Variants in ERLIN1 observed in about 807,000 individuals in gnomAD.
ERLIN1 encodes ER lipid raft associated 1.
Under a neutral mutation model 46.9 loss-of-function variants are expected in ERLIN1, and 24 were observed. That is an observed-to-expected ratio of 0.51 (90% CI 0.37 to 0.72). The LOEUF (loss-of-function observed/expected upper bound fraction) is 0.72, where lower values mean the gene tolerates loss of function less well. Among genes scored for constraint, ERLIN1 ranks in the 30% least tolerant of loss-of-function variants. The pLI is 0.00. For synonymous variants in ERLIN1, 158 were observed against 143.2 expected, an observed-to-expected ratio of 1.10 and a Z score of -0.74; for missense variants, 293 against 417.9, an observed-to-expected ratio of 0.70 and a Z score of 2.61.
At chr10:100,166,681 C>A (rs1457539966) in intron 7 of ERLIN1, among the ~76,000 whole-genome samples, 2 of 152,170 alleles carry the variant, frequency 1.3e-5, no homozygotes, top group African/African-American at 4.8e-5. Context: ...AACACATCAG[C>A]CAAATTTCCT....
chr10:100,160,226 G>A (rs1843290870), intron 8 of ERLIN1, among the ~76,000 whole-genome samples: 1 of 151,956 alleles, frequency 6.6e-6, no homozygotes, highest in South Asian at 2.1e-4. Flanking sequence ...ACTCAATACA[G>A]GAATTAAATC....
intron 9 of ERLIN1, among the ~76,000 whole-genome samples, chr10:100,155,299 C>G (rs190833171): frequency 5.4e-4 from 82 of 152,140 alleles, no homozygotes; most frequent in Non-Finnish European, 7.4e-4. Context: ...CCAGCCCCCC[C>G]CCAAATTTCA....
intron 2 of ERLIN1, among the ~76,000 whole-genome samples, chr10:100,183,261 C>T (rs1216132044): frequency 1.3e-5 from 2 of 152,094 alleles, no homozygotes; most frequent in African/African-American, 4.8e-5. Context: ...TCCCGGGATG[C>T]CATCAAAATA....
At chr10:100,169,621 TA>T (rs67272064) in intron 6 of ERLIN1, among the ~76,000 whole-genome samples, 192 of 144,710 alleles carry the variant, frequency 1.3e-3, no homozygotes, top group Middle Eastern at 7.2e-3. Flanking sequence ...CCTCAATGAT[TA>T]AAAAAAAAAA....
At position 100,152,152 on chromosome 10, in the gene ERLIN1, T is replaced by C. The variant is rs373603837; in HGVS notation, c.1026A>G (p.Gln342=). The C allele has an allele frequency of 1.2e-5, 19 of 1,612,342 alleles. No individual in the cohort carries two copies. In the African/African-American group the frequency reaches 2.3e-4, roughly 19 times the overall value. Residue 342 remains glutamine (Q), a synonymous_variant, in exon 11 of 11, where the codon CAA becomes CAG. Transcript: ENST00000421367. The part of the protein sequence containing the change: ...ALEPSGENVI[Q]NKESTG ...TGCATCAACCTGTGCTCTCTTTGTT[T>C]TGGATGACGTTCTCTCCAGAGGGTT...
At chr10:100,157,635 C>T (rs1843146089) in intron 8 of ERLIN1, among the ~76,000 whole-genome samples, 1 of 152,188 alleles carries the variant, frequency 6.6e-6, no homozygotes, top group South Asian at 2.1e-4. Context: ...CCCTCTTTCT[C>T]CACCAATGTA....
chr10:100,183,135 G>A (rs1844757466), intron 2 of ERLIN1, among the ~76,000 whole-genome samples: 1 of 152,200 alleles, frequency 6.6e-6, no homozygotes, highest in Admixed American at 6.5e-5. Context: ...CACTGGGCTT[G>A]CGAAAGTGGT....
At chr10:100,183,612 C>A in intron 2 of ERLIN1, 144 bp downstream of exon 2, 1 of 539,202 alleles carries the variant, frequency 1.9e-6, no homozygotes, top group Non-Finnish European at 3.3e-6. Flanking sequence ...GTTGTAACAA[C>A]TGTACTCTGA....
intron 7 of ERLIN1, 116 bp from the exon 8 acceptor site, chr10:100,164,211 C>T (rs761348419): frequency 1.4e-5 from 9 of 622,586 alleles, no homozygotes; most frequent in Non-Finnish European, 2.5e-5. Context: ...GCTTTTGGAC[C>T]CATTAAGGTA....
intron 6 of ERLIN1, among the ~76,000 whole-genome samples, chr10:100,172,968 C>A (rs925918754): frequency 3.9e-5 from 6 of 152,336 alleles, no homozygotes; most frequent in African/African-American, 1.4e-4. Flanking sequence ...CCAGCTACAA[C>A]TGACTTGAAC....
chr10:100,167,315 C>T (rs779164009), intron 7 of ERLIN1, 33 bp downstream of exon 7: 1 of 1,499,214 alleles, frequency 6.7e-7, no homozygotes, highest in East Asian at 2.3e-5. Flanking sequence ...CAGCCCTAAA[C>T]AGAAATATTG....
intron 1 of ERLIN1, among the ~76,000 whole-genome samples, chr10:100,184,687 G>A (rs988513754): frequency 5.3e-5 from 8 of 152,150 alleles, no homozygotes; most frequent in Admixed American, 5.2e-4. Context: ...AAACTGGAAG[G>A]AAATCTGGAC....
rs1842996082 is a variant in ERLIN1 at position 100,154,974 on chromosome 10, T to A, written c.746-35A>T. ...AAACAAAGGAAAGGTGTCAATCCATTCCCTCAGCTAGTTAAGAGTCCCTTT... is the reference window on the plus strand; with the variant it reads ...AAACAAAGGAAAGGTGTCAATCCATACCCTCAGCTAGTTAAGAGTCCCTTT... On this transcript the variant is annotated intron_variant, in intron 9 of 10. Transcript: ENST00000421367. 1.1e-5 allele frequency: 17 copies of A among 1,550,030 alleles called. No individual in the cohort carries two copies. In the East Asian group the frequency reaches 3.8e-4, roughly 35 times the overall value.
At chr10:100,171,632 A>G (rs1439928991) in intron 6 of ERLIN1, among the ~76,000 whole-genome samples, 1 of 152,144 alleles carries the variant, frequency 6.6e-6, no homozygotes, top group African/African-American at 2.4e-5. Flanking sequence ...GCTGACCTCA[A>G]ACTCCTGGGC....
chr10:100,164,185 C>G (rs1296070740), intron 7 of ERLIN1, 90 bp from the exon 8 acceptor site: 1 of 793,718 alleles, frequency 1.3e-6, no homozygotes. Flanking sequence ...GTCAGAGAAC[C>G]GTTTTGTCAA....
chr10:100,164,397 A>G (rs1278091646), intron 7 of ERLIN1, among the ~76,000 whole-genome samples: 1 of 152,218 alleles, frequency 6.6e-6, no homozygotes, highest in African/African-American at 2.4e-5. Context: ...GAATATATCA[A>G]TACTTCCTTT....
At chr10:100,183,617 C>T in intron 2 of ERLIN1, 139 bp downstream of exon 2, 1 of 556,086 alleles carries the variant, frequency 1.8e-6, no homozygotes, top group East Asian at 2.9e-5. Flanking sequence ...AACAACTGTA[C>T]TCTGAACGTT....
intron 9 of ERLIN1, among the ~76,000 whole-genome samples, chr10:100,155,749 T>C (rs553204340): frequency 7.2e-5 from 11 of 152,170 alleles, no homozygotes; most frequent in South Asian, 4.1e-4. Flanking sequence ...CTCCTGACCT[T>C]GTGATCCGCC....
At chr10:100,153,579 C>A (rs1261920464) in intron 10 of ERLIN1, among the ~76,000 whole-genome samples, 1 of 152,206 alleles carries the variant, frequency 6.6e-6, no homozygotes, top group Non-Finnish European at 1.5e-5. Context: ...ATCTTTCACT[C>A]TTTGGATCTC....
Sources: allele counts gnomAD v4.1 joint callset (sites outside exome capture counted in the v4.1 genomes callset), GRCh38; gene constraint gnomAD v4.1.1; transcripts MANE v1.5; gene names NCBI Gene and HGNC (gene_info 2026-07-23, HGNC 2026-07-21).